Variants in FRA10AC1 observed in about 807,000 individuals in gnomAD.
FRA10AC1 encodes protein FRA10AC1.
Under a neutral mutation model 56.5 loss-of-function variants are expected in FRA10AC1, and 43 were observed. That is an observed-to-expected ratio of 0.76 (90% confidence interval 0.60 to 0.98). FRA10AC1 has a LOEUF of 0.98. FRA10AC1 is among the 50% of genes least tolerant of loss of function. The pLI, the probability that FRA10AC1 is intolerant of heterozygous loss-of-function variation, is 0.00. For missense variants in FRA10AC1, 346 were observed against 351.8 expected (o/e 0.98, Z 0.13); for synonymous variants, 112 against 110.5 (o/e 1.01, Z -0.09).
At position 93,672,037 on chromosome 10, in the gene FRA10AC1, C is replaced by T. The variant is rs1164441847; in HGVS notation, c.827-1189G>A. The T allele has an allele frequency of 8.9e-6, 4 of 448,040 alleles. No individual in the cohort carries two copies. In the East Asian group the frequency reaches 2.1e-4, roughly 24 times the overall value. The allele number at this position is 448,040 out of a possible 1,614,324, so 27.8% of individuals were successfully genotyped here. On this transcript the variant is annotated intron_variant, in intron 12 of 13. Transcript: ENST00000359204. ...AAATTATCAGACAATAACACTATAA[C>T]TCACAAAGTAGTTACATTAGCAGAC...
chr10:93,691,003 AAT>A (rs566005537), intron 7 of FRA10AC1, among the ~76,000 whole-genome samples: 254 of 152,296 alleles, frequency 1.7e-3, no homozygotes, highest in African/African-American at 6.0e-3. Flanking sequence ...TTAAATGACA[AAT>A]AAATCTTCAT....
chr10:93,672,101 A>G (rs2058772728), intron 12 of FRA10AC1: 1 of 445,336 alleles, frequency 2.2e-6, no homozygotes, highest in South Asian at 1.6e-5. Context: ...TAAAAAAGAA[A>G]TGGCACAAAT....
At chr10:93,683,602 T>G (rs1345827372) in intron 10 of FRA10AC1, among the ~76,000 whole-genome samples, 2 of 152,048 alleles carry the variant, frequency 1.3e-5, no homozygotes, top group African/African-American at 4.8e-5. Flanking sequence ...CCACCCAAAC[T>G]GGCCTCCCCA....
chr10:93,694,828 C>T (rs1256337430), intron 5 of FRA10AC1, 33 bp downstream of exon 5: 3 of 1,238,672 alleles, frequency 2.4e-6, no homozygotes, highest in African/African-American at 1.5e-5. Flanking sequence ...CCATAACCCA[C>T]ATTCCCTTCT....
At chr10:93,689,060 GTTTTTT>G (rs3085158) in intron 7 of FRA10AC1, among the ~76,000 whole-genome samples, 2 of 127,030 alleles carry the variant, frequency 1.6e-5, no homozygotes, top group Admixed American at 7.9e-5. Flanking sequence ...TTGTTGTGGG[GTTTTTT>G]TTTTTTTTTT....
chr10:93,680,858 T>A (rs1056786470), intron 11 of FRA10AC1, among the ~76,000 whole-genome samples: 1 of 152,182 alleles, frequency 6.6e-6, no homozygotes, highest in African/African-American at 2.4e-5. Context: ...ATGAAGAAAT[T>A]GAGTCTTAGC....
chr10:93,678,066 G>A (rs767737938), intron 11 of FRA10AC1, among the ~76,000 whole-genome samples: 1 of 152,162 alleles, frequency 6.6e-6, no homozygotes, highest in Non-Finnish European at 1.5e-5. Context: ...AGGATACTAT[G>A]TATTTCTAAA....
chr10:93,699,605 A>T (rs1201590544), intron 2 of FRA10AC1, among the ~76,000 whole-genome samples: 1 of 152,194 alleles, frequency 6.6e-6, no homozygotes, highest in Non-Finnish European at 1.5e-5. Context: ...TCATTCACGT[A>T]TGCGTAAGAA....
chr10:93,700,059 G>T lies in FRA10AC1; in HGVS notation c.48C>A (p.Arg16=). The T allele has an allele frequency of 6.2e-7, 1 of 1,600,450 alleles. No homozygotes were observed. The highest frequency in any genetic ancestry group is 1.1e-5 in the South Asian group (1 of 90,420). The change falls in exon 2 of 14, where the codon CGC becomes CGA. Residue 16 remains arginine (R), a synonymous_variant. Coordinates refer to ENST00000359204, the MANE Select transcript of FRA10AC1 (RefSeq NM_145246.5). ...GYDSDFSDDE[R]CGESSKRKKR... ...TTTTCCTTTTGCTGGATTCTCCACA[G>T]CGTTCATCATCACTAAAATCAGAAT...
chr10:93,674,013 T>A (rs1397547339), intron 12 of FRA10AC1: 1 of 165,242 alleles, frequency 6.1e-6, no homozygotes, highest in Non-Finnish European at 1.3e-5. Flanking sequence ...TGCCATTAAC[T>A]ATTTGACCTT....
At chr10:93,697,612 A>G (rs2059254943) in intron 4 of FRA10AC1, among the ~76,000 whole-genome samples, 1 of 152,202 alleles carries the variant, frequency 6.6e-6, no homozygotes, top group Non-Finnish European at 1.5e-5. Context: ...ACCAGGAAGC[A>G]GGGTTTATCT....
At chr10:93,674,855 C>T (rs1273706906) in intron 12 of FRA10AC1, 1 of 152,148 alleles carries the variant, frequency 6.6e-6, no homozygotes. Flanking sequence ...CATAAGCATT[C>T]ACACCTCTCA....
At chr10:93,689,518 T>TA (rs1169655110) in intron 7 of FRA10AC1, among the ~76,000 whole-genome samples, 1 of 152,134 alleles carries the variant, frequency 6.6e-6, no homozygotes, top group Non-Finnish European at 1.5e-5. Flanking sequence ...CAGCCAAGTG[T>TA]AACAGCAATA....
chr10:93,699,541 CT>C (rs1194550121), intron 2 of FRA10AC1, among the ~76,000 whole-genome samples: 1 of 152,176 alleles, frequency 6.6e-6, no homozygotes, highest in African/African-American at 2.4e-5. Flanking sequence ...GAGTTTTTGT[CT>C]CTTGCAATTC....
chr10:93,669,850 C>T lies in FRA10AC1; in HGVS notation c.924G>A (p.Glu308=), dbSNP rs1410173678. ...DEKSQEEEFD[E]YFQDLFL ...CTCATAGAAACAAATCCTGAAAATA[C>T]TCATCAAATTCTTCTTCCCTATTTA... The change falls in exon 14 of 14, where the codon GAG becomes GAA. Residue 308 remains glutamate (E), a synonymous_variant. Transcript: ENST00000359204. The T allele has an allele frequency of 6.3e-7, 1 of 1,577,334 alleles. No individual in the cohort carries two copies. The highest frequency in any genetic ancestry group is 2.3e-5 in the East Asian group (1 of 44,216).
chr10:93,676,082 T>C (rs918601332), intron 12 of FRA10AC1, among the ~76,000 whole-genome samples: 1 of 152,214 alleles, frequency 6.6e-6, no homozygotes, highest in African/African-American at 2.4e-5. Context: ...CTGTGATCTA[T>C]CTCTGCAATT....
At chr10:93,684,568 G>C (rs918513032) in intron 9 of FRA10AC1, among the ~76,000 whole-genome samples, 1 of 150,592 alleles carries the variant, frequency 6.6e-6, no homozygotes, top group Admixed American at 6.6e-5. Context: ...CTTCCAGAAG[G>C]AACTCAGAAA....
chr10:93,689,535 A>C (rs10748608), intron 7 of FRA10AC1, among the ~76,000 whole-genome samples: 39,062 of 152,080 alleles, frequency 0.26, 5,540 homozygotes, highest in African/African-American at 0.37. Context: ...AATAGTTTCC[A>C]AACTTTCTTC....
intron 12 of FRA10AC1, chr10:93,674,533 T>C (rs1238670978): frequency 6.6e-6 from 1 of 152,162 alleles, no homozygotes; most frequent in African/African-American, 2.4e-5. Context: ...GCAGGTCAGC[T>C]TGAAGTGGAT....
Sources: allele counts gnomAD v4.1 joint callset (sites outside exome capture counted in the v4.1 genomes callset), GRCh38; gene constraint gnomAD v4.1.1; transcripts MANE v1.5; gene names NCBI Gene and HGNC (gene_info 2026-07-23, HGNC 2026-07-21).